The following LMLN variants were observed in gnomAD, a reference collection of about 807,000 sequenced individuals.
LMLN encodes the protein leishmanolysin-like peptidase.
A neutral mutation model predicts 92.3 loss-of-function variants in LMLN; 70 were observed. The ratio of observed to expected loss-of-function variants is 0.76; its 90% CI spans 0.63 to 0.92. The LOEUF (loss-of-function observed/expected upper bound fraction) is 0.92. Among genes scored for constraint, LMLN ranks in the 40% least tolerant of loss-of-function variants. The pLI, the probability that LMLN is intolerant of heterozygous loss-of-function variation, is 0.00. For missense variants in LMLN, 691 were observed against 814.6 expected, an observed-to-expected ratio of 0.85 and a Z score of 1.85; for synonymous variants, 308 against 296.2, an observed-to-expected ratio of 1.04 and a Z score of -0.41.
intron 11 of LMLN, among the ~76,000 whole-genome samples, chr3:198,007,401 G>A (rs1473280887): frequency 1.3e-5 from 2 of 151,508 alleles, no homozygotes; most frequent in Non-Finnish European, 3.0e-5. Context: ...TGTACAGATA[G>A]GCAATGGCTT....
intron 5 of LMLN, among the ~76,000 whole-genome samples, chr3:197,978,073 T>C (rs112971711): frequency 3.5e-4 from 50 of 141,484 alleles, no homozygotes; most frequent in African/African-American, 6.4e-4. Flanking sequence ...ATATAAAAAT[T>C]ATCAAACAAT....
chr3:197,973,005 A>G (rs1474275462), intron 1 of LMLN, among the ~76,000 whole-genome samples: 1 of 152,046 alleles, frequency 6.6e-6, no homozygotes, highest in Non-Finnish European at 1.5e-5. Context: ...ACTTCCTGCC[A>G]CTCCAAGAGA....
At chr3:198,027,295 G>A (rs77870279) in intron 14 of LMLN, among the ~76,000 whole-genome samples, 122 of 149,756 alleles carry the variant, frequency 8.1e-4, no homozygotes, top group Middle Eastern at 3.4e-3. Context: ...CTCACTTAAC[G>A]GCTTTAGACG....
intron 1 of LMLN, among the ~76,000 whole-genome samples, chr3:197,973,226 T>C (rs1455581075): frequency 6.6e-6 from 1 of 152,038 alleles, no homozygotes. Flanking sequence ...ATCCATTTGC[T>C]GTGCTCAGAC....
intron 1 of LMLN, among the ~76,000 whole-genome samples, chr3:197,962,451 G>A (rs951520269): frequency 2.4e-4 from 36 of 152,142 alleles, no homozygotes; most frequent in African/African-American, 8.4e-4. Context: ...TTCTTGTACA[G>A]TAATTTTTGT....
rs902099357 is a variant in LMLN at position 198,011,127 on chromosome 3, T to A, written c.1233-8126T>A. ...TTATCTTGATATAAGTTTTTTATTT[T>A]TTTTTATTATTATACTTTAAGTTTT... On this transcript the variant is annotated intron_variant, in intron 11 of 15. Transcript: ENST00000330198. Among the ~76,000 whole-genome samples, 6 of 132,560 alleles carry A rather than the reference T, an allele frequency of 4.5e-5. No individual in the cohort carries two copies. In the East Asian group the frequency reaches 1.2e-3, roughly 26 times the overall value. 87.0% of individuals were successfully genotyped at this position (132,560 alleles called of 152,430 possible). A position where few individuals can be genotyped will look rare whatever the true frequency, so the allele number is the denominator to read the frequency against.
chr3:198,039,834 CTG>C (rs1723350518), exon 16 of LMLN: 1 of 152,162 alleles, frequency 6.6e-6, no homozygotes, highest in Non-Finnish European at 1.5e-5. Flanking sequence ...TGGTAGCCCT[CTG>C]TATTCATCCC....
intron 6 of LMLN, 106 bp from the exon 7 acceptor site, chr3:197,983,837 A>T: frequency 1.5e-6 from 1 of 665,976 alleles, no homozygotes. Context: ...TGCATTGGAT[A>T]CTTTGCAAAG....
At chr3:198,011,003 G>C (rs1210512732) in intron 11 of LMLN, among the ~76,000 whole-genome samples, 1 of 151,940 alleles carries the variant, frequency 6.6e-6, no homozygotes, top group Admixed American at 6.6e-5. Flanking sequence ...AAATTTTTCT[G>C]TTATTTTTTG....
chr3:197,964,361 T>C (rs1009131036), intron 1 of LMLN, among the ~76,000 whole-genome samples: 2 of 152,032 alleles, frequency 1.3e-5, no homozygotes, highest in Non-Finnish European at 2.9e-5. Context: ...CTTTGCATTT[T>C]AATTATCATT....
rs893809783 is a variant in LMLN at position 198,025,383 on chromosome 3, CT to C, written c.1656+603del. Among the ~76,000 whole-genome samples the C allele has an allele frequency of 1.6e-3, 245 of 151,756 alleles. 1 individual carries two copies. The highest frequency in any genetic ancestry group is 5.5e-3 in the African/African-American group (226 of 41,424). ...ACAATTTTTTTTCCTTTTTCTTTTTCTTTTTTTTGAGACAAGGTCTTGCTCT... is the reference window on the plus strand; with the variant it reads ...ACAATTTTTTTTCCTTTTTCTTTTTCTTTTTTTGAGACAAGGTCTTGCTCT... On this transcript the variant is annotated intron_variant, in intron 14 of 15. Coordinates refer to ENST00000330198, the Ensembl canonical transcript of LMLN. The surrounding 1 kb of genome is among the most constrained non-coding windows in gnomAD (Gnocchi z 4.3).
At chr3:198,000,568 C>G (rs1722144331) in intron 11 of LMLN, among the ~76,000 whole-genome samples, 1 of 152,148 alleles carries the variant, frequency 6.6e-6, no homozygotes, top group Admixed American at 6.6e-5. Flanking sequence ...GCTGGGACTA[C>G]AGGCGTGCAT....
rs1282729530 is a variant in LMLN at position 198,027,775 on chromosome 3, T to A, written c.1656+2987T>A. ...TTGAATCAGTTGATGGACACTTAGG[T>A]CGTTTGTGTCCACCTCTTGGCTATT... On this transcript the variant is annotated intron_variant, in intron 14 of 15. Transcript: ENST00000330198. Among the ~76,000 whole-genome samples, 3 of 152,174 alleles carry A rather than the reference T, an allele frequency of 2.0e-5. No individual in the cohort carries two copies. The East Asian group carries it at 5.8e-4, about 29-fold the overall frequency.
chr3:198,025,304 A>C lies in LMLN; in HGVS notation c.1656+516A>C, dbSNP rs1722902280. Among the ~76,000 whole-genome samples, 2 of 152,136 alleles carry C rather than the reference A, an allele frequency of 1.3e-5. No homozygotes were observed. Among genetic ancestry groups the C allele is most frequent in the African/African-American group, 4.8e-5 (2 of 41,418 alleles). ...AGGAAAAAGAATAAATCAGTTGCTG[A>C]TTAATAATAGAGTGTTTTTTCCTTT... On this transcript the variant is annotated intron_variant, in intron 14 of 15. Transcript: ENST00000330198. This position sits in a 1 kb window ranked among gnomAD's most constrained non-coding sequence, Gnocchi z 4.3.
exon 16 of LMLN, chr3:198,040,466 C>G (rs1246145138): frequency 2.6e-5 from 4 of 152,222 alleles, no homozygotes; most frequent in African/African-American, 9.7e-5. Flanking sequence ...TAGGCGATGC[C>G]CATTCTTTCT....
At chr3:197,967,585 A>G (rs1302801472) in intron 1 of LMLN, among the ~76,000 whole-genome samples, 1 of 151,886 alleles carries the variant, frequency 6.6e-6, no homozygotes. Context: ...GAAATCAAAA[A>G]CTCCTGATAA....
intron 11 of LMLN, among the ~76,000 whole-genome samples, chr3:198,013,579 T>C: frequency 7.9e-6 from 1 of 126,566 alleles, no homozygotes; most frequent in African/African-American, 4.1e-5. Flanking sequence ...TCTGTACCCT[T>C]CAGAGCCCCT....
intron 11 of LMLN, among the ~76,000 whole-genome samples, chr3:198,006,345 G>C (rs1200493566): frequency 2.0e-5 from 3 of 152,142 alleles, no homozygotes; most frequent in Admixed American, 6.5e-5. Flanking sequence ...ATTGTTTCCA[G>C]TTTTGGGCTA....
chr3:198,011,743 A>G (rs1481705725), intron 11 of LMLN, among the ~76,000 whole-genome samples: 35 of 151,450 alleles, frequency 2.3e-4, no homozygotes, highest in South Asian at 8.4e-4. Flanking sequence ...CCCACCAACA[A>G]TGTAAAAGTG....
Sources: allele counts gnomAD v4.1 joint callset (sites outside exome capture counted in the v4.1 genomes callset), GRCh38; gene constraint gnomAD v4.1.1; non-coding constraint Gnocchi (gnomAD v3.1); transcripts MANE v1.5; gene names NCBI Gene and HGNC (gene_info 2026-07-23, HGNC 2026-07-21).